Variants in SFSWAP observed in about 807,000 individuals in gnomAD.
SFSWAP encodes splicing factor SWAP, also known as splicing factor, suppressor of white-apricot homolog.
In SFSWAP, 17 loss-of-function variants were observed where a neutral mutation model predicts 100.7. The ratio of observed to expected loss-of-function variants is 0.17; its 90% CI spans 0.12 to 0.25. The LOEUF (loss-of-function observed/expected upper bound fraction) is 0.25. Among genes scored for constraint, SFSWAP ranks in the 10% least tolerant of loss-of-function variants. The pLI is 1.00. For synonymous variants in SFSWAP, 504 were observed against 510.1 expected (o/e 0.99, Z 0.16); for missense variants, 1,005 against 1,262.6 (o/e 0.80, Z 3.09).
intron 14 of SFSWAP, among the ~76,000 whole-genome samples, chr12:131,781,657 G>A (rs1292024479): frequency 3.3e-5 from 5 of 152,168 alleles, no homozygotes; most frequent in East Asian, 1.9e-4. Flanking sequence ...GGTTTCCACC[G>A]TGATGGTAGG....
intron 14 of SFSWAP, chr12:131,785,415 A>G (rs1470764675): frequency 7.8e-6 from 4 of 513,998 alleles, no homozygotes; most frequent in African/African-American, 7.7e-5. Context: ...TGTCATGAAA[A>G]TGATTCAACG....
At chr12:131,769,775 C>G (rs543967657) in intron 13 of SFSWAP, among the ~76,000 whole-genome samples, 5 of 152,102 alleles carry the variant, frequency 3.3e-5, no homozygotes, top group East Asian at 3.9e-4. Flanking sequence ...TACAGGCACC[C>G]GCCACCACGC....
intron 11 of SFSWAP, 83 bp from the exon 12 acceptor site, chr12:131,764,373 C>A: frequency 9.3e-7 from 1 of 1,072,756 alleles, no homozygotes; most frequent in South Asian, 1.5e-5. Flanking sequence ...CCCTTCCCAG[C>A]AGCCGATGCT....
intron 11 of SFSWAP, among the ~76,000 whole-genome samples, chr12:131,760,416 T>C (rs1882556173): frequency 6.6e-6 from 1 of 152,144 alleles, no homozygotes. Context: ...GGCTAGTAAA[T>C]ATATTTTTTC....
intron 13 of SFSWAP, among the ~76,000 whole-genome samples, chr12:131,771,326 C>A (rs953094475): frequency 1.3e-5 from 2 of 152,168 alleles, no homozygotes; most frequent in Non-Finnish European, 2.9e-5. Flanking sequence ...GTGTGCCCCT[C>A]CCCTGCTGTG....
At chr12:131,751,626 C>G (rs1881646077) in intron 7 of SFSWAP, among the ~76,000 whole-genome samples, 1 of 152,258 alleles carries the variant, frequency 6.6e-6, no homozygotes, top group Admixed American at 6.5e-5. Context: ...GACGTTGTCT[C>G]TTACAGAAGC....
intron 11 of SFSWAP, among the ~76,000 whole-genome samples, chr12:131,759,801 CAAAAAAA>C (rs1217940125): frequency 2.8e-4 from 24 of 86,760 alleles, no homozygotes; most frequent in African/African-American, 9.2e-4. Flanking sequence ...GACTCCGTCT[CAAAAAAA>C]AAAAAAAGAA....
intron 3 of SFSWAP, among the ~76,000 whole-genome samples, chr12:131,717,120 C>T (rs1386317107): frequency 4.6e-5 from 7 of 152,138 alleles, no homozygotes; most frequent in African/African-American, 1.7e-4. Flanking sequence ...CACACACATA[C>T]GTGCATATTG....
At position 131,722,793 on chromosome 12, in the gene SFSWAP, A is replaced by G. The variant is rs565064210; in HGVS notation, c.607-2612A>G. Among the ~76,000 whole-genome samples, 4 of 152,134 alleles carry G rather than the reference A, an allele frequency of 2.6e-5. No individual in the cohort carries two copies. The East Asian group carries it at 7.7e-4, about 29-fold the overall frequency. ...TGAAACTCCGCCTCTACAAAAAATG[A>G]AAAAAATTAGCCAGGCGTGGTGGTA... is the stretch of plus-strand genomic sequence containing the variant. On this transcript the variant is annotated intron_variant, in intron 4 of 17. Coordinates refer to ENST00000261674, the MANE Select transcript of SFSWAP (RefSeq NM_004592.4).
intron 1 of SFSWAP, 104 bp from the exon 2 acceptor site, chr12:131,713,967 G>A (rs1246715329): frequency 6.1e-6 from 4 of 651,388 alleles, no homozygotes; most frequent in East Asian, 6.5e-5. Context: ...TATTTTAATC[G>A]GTAAGTATGT....
At chr12:131,727,259 T>C (rs1023542338) in intron 6 of SFSWAP, among the ~76,000 whole-genome samples, 11 of 152,280 alleles carry the variant, frequency 7.2e-5, no homozygotes, top group African/African-American at 2.2e-4. Flanking sequence ...ATAAAATTCG[T>C]GAGCATTTGC....
rs764914822 is a variant in SFSWAP, at chr12:131,797,247, G to A, written c.2604G>A (p.Ser868=). Residue 868 remains serine (S), a synonymous_variant, in exon 16 of 18, where the codon TCG becomes TCA. Transcript: ENST00000261674. ...CCAAGTCCAAGGCCAGGTCTCAGTC[G>A]GTGTCACCCAGCAAGCAGGCAGCGC... ...SRTKSKARSQ[S]VSPSKQAAPR... The A allele has an allele frequency of 9.9e-6, 16 of 1,612,650 alleles. No homozygotes were observed. The highest frequency in any genetic ancestry group is 5.3e-5 in the African/African-American group (4 of 75,044).
chr12:131,770,392 G>A (rs990224671), intron 13 of SFSWAP, among the ~76,000 whole-genome samples: 7 of 152,332 alleles, frequency 4.6e-5, no homozygotes, highest in Admixed American at 4.6e-4. Context: ...GGCTGGCTCT[G>A]CAGGGTGGCA....
At chr12:131,772,689 G>A (rs994796371) in intron 13 of SFSWAP, among the ~76,000 whole-genome samples, 1 of 152,230 alleles carries the variant, frequency 6.6e-6, no homozygotes, top group Non-Finnish European at 1.5e-5. Context: ...GTGGGTGTCT[G>A]TGACCCCTGG....
rs1044654240 is a variant in SFSWAP at position 131,711,890 on chromosome 12, T to G, written c.218+443T>G. On this transcript the variant is annotated intron_variant, in intron 1 of 17. Coordinates refer to ENST00000261674, the MANE Select transcript of SFSWAP (RefSeq NM_004592.4). This position sits in a 1 kb window ranked among gnomAD's most constrained non-coding sequence, Gnocchi z 4.9. ...GGGAGGGTACCCTGGGAGGCGTGCC[T>G]TTATTCTTCCGAACCGCCGCTCACT... 1 of 180,368 alleles carries G rather than the reference T, an allele frequency of 5.5e-6. No individual in the cohort carries two copies. The highest frequency in any genetic ancestry group is 1.6e-4 in the East Asian group (1 of 6,204). The allele number at this position is 180,368 out of a possible 1,614,324, so 11.2% of individuals were successfully genotyped here.
chr12:131,789,929 C>T (rs953893171), intron 15 of SFSWAP, among the ~76,000 whole-genome samples: 4 of 152,212 alleles, frequency 2.6e-5, no homozygotes, highest in Non-Finnish European at 4.4e-5. Context: ...CCCTTCGTCT[C>T]CCCACCAGCG....
intron 11 of SFSWAP, among the ~76,000 whole-genome samples, chr12:131,761,321 C>A (rs545735434): frequency 6.6e-6 from 1 of 152,180 alleles, no homozygotes; most frequent in Non-Finnish European, 1.5e-5. Flanking sequence ...TGGAAGATGG[C>A]GGGTTCACTC....
chr12:131,779,892 T>G (rs1208663745), intron 14 of SFSWAP, among the ~76,000 whole-genome samples: 1 of 152,254 alleles, frequency 6.6e-6, no homozygotes, highest in African/African-American at 2.4e-5. Flanking sequence ...GTTCAAGTGA[T>G]TCTTCTGCCT....
intron 11 of SFSWAP, among the ~76,000 whole-genome samples, chr12:131,758,577 G>C (rs1882388356): frequency 6.6e-6 from 1 of 152,154 alleles, no homozygotes; most frequent in African/African-American, 2.4e-5. Flanking sequence ...AATCTTTTAA[G>C]TCTCTAATTT....
Sources: allele counts gnomAD v4.1 joint callset (sites outside exome capture counted in the v4.1 genomes callset), GRCh38; gene constraint gnomAD v4.1.1; non-coding constraint Gnocchi (gnomAD v3.1); transcripts MANE v1.5; gene names NCBI Gene and HGNC (gene_info 2026-07-23, HGNC 2026-07-21).